The following ZNF81 variants were observed in gnomAD, a reference collection of about 807,000 sequenced individuals.
The protein encoded by ZNF81 is zinc finger protein 81 (HFZ20).
Under a neutral mutation model 32.3 loss-of-function variants are expected in ZNF81, and 5 were observed. That is an observed-to-expected ratio of 0.15 (90% CI 0.08 to 0.33). ZNF81 has a LOEUF of 0.33. Among genes scored for constraint, ZNF81 ranks in the 10% least tolerant of loss-of-function variants. The pLI is 1.00. For synonymous variants in ZNF81, 163 were observed against 166.8 expected, an observed-to-expected ratio of 0.98 and a Z score of 0.17; for missense variants, 379 against 479.8, an observed-to-expected ratio of 0.79 and a Z score of 1.96.
At chrX:47,911,313 C>T (rs1438788102) in intron 4 of ZNF81, among the ~76,000 whole-genome samples, 1 of 111,140 alleles carries the variant, frequency 9.0e-6, no homozygotes, top group Non-Finnish European at 1.9e-5. Context: ...TTATTTTGTG[C>T]TCTGCCGTCC....
At chrX:47,887,875 G>A in intron 2 of ZNF81, 124 bp from the exon 3 acceptor site, 1 of 764,242 alleles carries the variant, frequency 1.3e-6, no homozygotes, top group Non-Finnish European at 2.0e-6. Flanking sequence ...TATAAACTAA[G>A]TATTTAATGG....
chrX:47,862,406 C>G (rs7891041), intron 2 of ZNF81, among the ~76,000 whole-genome samples: 52 of 109,039 alleles, frequency 4.8e-4, no homozygotes, highest in African/African-American at 1.7e-3. Flanking sequence ...GCCTGTAATC[C>G]CAGCTACCCG....
chrX:47,887,198 A>G (rs60614384), intron 2 of ZNF81, among the ~76,000 whole-genome samples: 2,916 of 111,854 alleles, frequency 0.026, 101 homozygotes, highest in African/African-American at 0.091. Flanking sequence ...TGCATACATC[A>G]TCCCATACTG....
At chrX:47,874,727 A>G (rs1331895774) in intron 2 of ZNF81, among the ~76,000 whole-genome samples, 1 of 112,243 alleles carries the variant, frequency 8.9e-6, no homozygotes, top group Non-Finnish European at 1.9e-5. Flanking sequence ...ATATTGGTAT[A>G]TATCAGCCTA....
At chrX:47,906,525 A>G (rs1362254568) in intron 4 of ZNF81, among the ~76,000 whole-genome samples, 1 of 110,446 alleles carries the variant, frequency 9.1e-6, no homozygotes, top group African/African-American at 3.3e-5. Flanking sequence ...CTGTAAATCA[A>G]GTTATCATCA....
chrX:47,872,266 T>C (rs891737040), intron 2 of ZNF81, among the ~76,000 whole-genome samples: 4 of 111,961 alleles, frequency 3.6e-5, no homozygotes, highest in Non-Finnish European at 7.5e-5. Flanking sequence ...AGAGTTTGTT[T>C]AGTGAGGCCA....
intron 2 of ZNF81, among the ~76,000 whole-genome samples, chrX:47,860,076 T>G (rs947213832): frequency 2.7e-5 from 3 of 110,878 alleles, no homozygotes; most frequent in Non-Finnish European, 5.7e-5. Flanking sequence ...GGAACATCTG[T>G]TGTTCTAATA....
chrX:47,871,551 T>G lies in ZNF81; in HGVS notation c.55-16448T>G, dbSNP rs143208164. On this transcript the variant is annotated intron_variant, in intron 2 of 4. Coordinates refer to ENST00000338637, the MANE Select transcript of ZNF81 (RefSeq NM_007137.5). ...ATATCAGAAAAATCAGGTTGCTGCCTAGTATCTTCTATTACTGTTGTACAC... is the reference window on the plus strand; with the variant it reads ...ATATCAGAAAAATCAGGTTGCTGCCGAGTATCTTCTATTACTGTTGTACAC... Among the ~76,000 whole-genome samples the G allele has an allele frequency of 2.1e-4, 24 of 112,063 alleles. No homozygotes were observed. The East Asian group carries it at 6.4e-3, about 30-fold the overall frequency.
In ZNF81 at chrX:47,916,111, A is replaced by G. The variant is rs1481387107; in HGVS notation, c.1465A>G (p.Lys489Glu). 8.3e-7 allele frequency: 1 copy of G among 1,211,127 alleles called. No homozygotes were observed. The highest frequency in any genetic ancestry group is 1.7e-5 in the African/African-American group (1 of 57,651). ...FPSKSQLQMHKRIHTGEKPYI... is the reference protein window; with the variant it reads ...FPSKSQLQMHERIHTGEKPYI... ...TTCTAAGTCACAACTCCAGATGCAT[A>G]AGAGAATTCATACAGGAGAGAAACC... is the stretch of plus-strand genomic sequence containing the variant. The change falls in exon 5 of 5, where the codon AAG becomes GAG. Residue 489 changes from lysine (K) to glutamate (E), a missense_variant. Lys to Glu is a moderately conservative substitution (Grantham distance 56, BLOSUM62 1). Around this residue, in one of 2 missense-constraint regions of ZNF81, gnomAD observed 102 missense variants for 173.2 expected, o/e 0.59. Transcript: ENST00000338637.
chrX:47,859,246 AG>A (rs1444277688), intron 2 of ZNF81, among the ~76,000 whole-genome samples: 1 of 111,639 alleles, frequency 9.0e-6, no homozygotes, highest in African/African-American at 3.3e-5. Flanking sequence ...AGTAGTGACA[AG>A]ATTTGTATAT....
intron 2 of ZNF81, among the ~76,000 whole-genome samples, chrX:47,876,995 A>T (rs1448537638): frequency 2.7e-5 from 3 of 112,011 alleles, no homozygotes; most frequent in Non-Finnish European, 5.6e-5. Flanking sequence ...TACATATGGG[A>T]GTCCCTGAAC....
chrX:47,853,460 G>A (rs781883838), intron 2 of ZNF81, among the ~76,000 whole-genome samples: 3 of 112,079 alleles, frequency 2.7e-5, no homozygotes, highest in East Asian at 2.8e-4. Flanking sequence ...GGTTACAGGC[G>A]TGAGCCACCG....
At chrX:47,893,353 G>A (rs1319507368) in intron 3 of ZNF81, among the ~76,000 whole-genome samples, 3 of 110,748 alleles carry the variant, frequency 2.7e-5, no homozygotes, top group African/African-American at 9.9e-5. Flanking sequence ...GAGACAGTTG[G>A]GGGAGATGTA....
chrX:47,869,107 G>A (rs2058571014), intron 2 of ZNF81, among the ~76,000 whole-genome samples: 1 of 112,008 alleles, frequency 8.9e-6, no homozygotes, highest in African/African-American at 3.2e-5. Flanking sequence ...TACTCCTATA[G>A]GTATTTTGAT....
intron 3 of ZNF81, among the ~76,000 whole-genome samples, chrX:47,889,356 C>T (rs1161578663): frequency 2.7e-5 from 3 of 112,197 alleles, no homozygotes; most frequent in African/African-American, 6.5e-5. Context: ...AAAGCTATTT[C>T]GACTGTGAAC....
At chrX:47,899,532 A>G (rs1389846006) in intron 4 of ZNF81, among the ~76,000 whole-genome samples, 1 of 110,576 alleles carries the variant, frequency 9.0e-6, no homozygotes, top group African/African-American at 3.3e-5. Flanking sequence ...TGCGTTTTTC[A>G]TGAGTGATTT....
chrX:47,878,290 A>G (rs57486433), intron 2 of ZNF81, among the ~76,000 whole-genome samples: 7,042 of 111,604 alleles, frequency 0.063, 259 homozygotes, highest in African/African-American at 0.14. Flanking sequence ...CCTCCCACCA[A>G]TGATTCTCAA....
intron 2 of ZNF81, among the ~76,000 whole-genome samples, chrX:47,875,416 T>C (rs917865746): frequency 8.9e-6 from 1 of 112,249 alleles, no homozygotes; most frequent in Non-Finnish European, 1.9e-5. Flanking sequence ...ATTCCAAATG[T>C]TATGTACAGA....
intron 2 of ZNF81, among the ~76,000 whole-genome samples, chrX:47,878,503 C>A (rs1402895180): frequency 8.9e-6 from 1 of 112,557 alleles, no homozygotes; most frequent in Non-Finnish European, 1.9e-5. Flanking sequence ...ATGACATCCC[C>A]CGATTGGGGG....
Sources: allele counts gnomAD v4.1 joint callset (sites outside exome capture counted in the v4.1 genomes callset), GRCh38; gene constraint gnomAD v4.1.1; regional missense constraint gnomAD v4.1.1; transcripts MANE v1.5; gene names NCBI Gene and HGNC (gene_info 2026-07-23, HGNC 2026-07-21).